SLC24A1: variants seen among roughly 807,000 people sequenced by gnomAD.
The protein encoded by SLC24A1 is sodium/potassium/calcium exchanger 1.
Under a neutral mutation model 88.1 loss-of-function variants are expected in SLC24A1, and 52 were observed. The observed-to-expected ratio is 0.59, with a 90% confidence interval of 0.47 to 0.74. The LOEUF is 0.74. SLC24A1 is among the 30% of genes least tolerant of loss of function. The pLI is 0.00. For missense variants in SLC24A1, 1,173 were observed against 1,363.3 expected, an observed-to-expected ratio of 0.86 and a Z score of 2.20; for synonymous variants, 455 against 498.0, an observed-to-expected ratio of 0.91 and a Z score of 1.15.
In SLC24A1 at chr15:65,625,460, TG is replaced by T; in HGVS notation, c.1382del (p.Gly461AlafsTer2). On this transcript the variant is annotated frameshift_variant, in exon 2 of 10. Transcript: ENST00000261892. LOFTEE classifies it high-confidence loss of function. ...RQGWVVLHVF[G>X]MMYVFVALAI... The stretch of plus-strand genomic sequence containing the variant: ...AGGGCTGGGTGGTCCTGCACGTTTT[TG>T]GCATGATGTATGTGTTTGTGGCCTT... 2 of 1,614,038 alleles carry T rather than the reference TG, an allele frequency of 1.2e-6. No homozygotes were observed. The highest frequency in any genetic ancestry group is 1.7e-6 in the Non-Finnish European group (2 of 1,179,892).
chr15:65,645,894 A>G (rs912940645), intron 6 of SLC24A1, among the ~76,000 whole-genome samples, 191 bp downstream of exon 6: 29 of 152,234 alleles, frequency 1.9e-4, no homozygotes, highest in Admixed American at 1.9e-3. Flanking sequence ...TCACTGGAAC[A>G]TCTTACATGA....
chr15:65,660,902 G>C (rs2075828310), downstream of SLC24A1: 1 of 152,032 alleles, frequency 6.6e-6, no homozygotes, highest in Non-Finnish European at 1.5e-5. Flanking sequence ...CAATATTTTA[G>C]ATATTAAAAT....
Position 65,625,686 on chromosome 15 carries a change from A to G in SLC24A1, c.1606A>G (p.Ile536Val). The change falls in exon 2 of 10, where the codon ATT (isoleucine) becomes GTT (valine). Residue 536 changes from isoleucine to valine, a missense_variant. By Grantham distance (29) the Ile-to-Val change is conservative. Transcript: ENST00000261892. ...CATTGTGGGCTCTGCTGTGTTCAAC[A>G]TTCTCTTTGTCATTGGCACTTGTTC... ...GTIVGSAVFN[I>V]LFVIGTCSLF... 1 of 1,613,936 alleles carries G rather than the reference A, an allele frequency of 6.2e-7. No individual in the cohort carries two copies. The highest frequency in any genetic ancestry group is 8.5e-7 in the Non-Finnish European group (1 of 1,179,888).
At chr15:65,614,034 T>C (rs2074059004) in intron 2 of SLC24A1, among the ~76,000 whole-genome samples, 1 of 152,132 alleles carries the variant, frequency 6.6e-6, no homozygotes, top group African/African-American at 2.4e-5. Flanking sequence ...TATTTCACTA[T>C]TTTCACCAAA....
At position 65,655,181 on chromosome 15, in the gene SLC24A1, A is replaced by G; in HGVS notation, c.*1102A>G. 1.0e-6 allele frequency: 1 copy of G among 987,452 alleles called. No homozygotes were observed. The highest frequency in any genetic ancestry group is 4.7e-5 in the South Asian group (1 of 21,472). The allele number at this position is 987,452 out of a possible 1,614,324, so 61.2% of individuals were successfully genotyped here. ...CCCTCCAGCATGTTCTCACCCAACA[A>G]TGACAGTTGAGTGGAGTGGGAAGGG... is the stretch of plus-strand genomic sequence containing the variant. On this transcript the variant is annotated 3_prime_UTR_variant, in exon 10 of 10. Coordinates refer to ENST00000261892, the MANE Select transcript of SLC24A1 (RefSeq NM_004727.3).
rs951699018 is a variant in SLC24A1, at chr15:65,623,969, C to A, written c.-112C>A. Reference sequence around the variant, plus strand: ...TACCCACCTAGGGTTGTGGATACCCCCTGGCTGGGCTTCATGGAGAAATCT... The same window carrying A: ...TACCCACCTAGGGTTGTGGATACCCACTGGCTGGGCTTCATGGAGAAATCT... On this transcript the variant is annotated 5_prime_UTR_variant, in exon 2 of 10. Coordinates refer to ENST00000261892, the MANE Select transcript of SLC24A1 (RefSeq NM_004727.3). 1.1e-6 allele frequency: 1 copy of A among 945,932 alleles called. No individual in the cohort carries two copies. Among genetic ancestry groups the A allele is most frequent in the Non-Finnish European group, 1.6e-6 (1 of 621,074 alleles). The allele number at this position is 945,932 out of a possible 1,614,324, so 58.6% of individuals were successfully genotyped here. A position where few individuals can be genotyped will look rare whatever the true frequency, so the allele number is the denominator to read the frequency against.
At chr15:65,659,343 T>G (rs1406742874), downstream of SLC24A1, 1 of 136,506 alleles carries the variant, frequency 7.3e-6, no homozygotes, top group Non-Finnish European at 1.6e-5. Context: ...TTTTTTTTTT[T>G]TTTTTTTTGA....
Position 65,655,467 on chromosome 15 carries a change from C to G in SLC24A1, c.*1388C>G. ...GTAAAGGACACTTGAGTTTTTAAAACTGTGGTTAAATGTTTTATGTGGAAT... is the reference window on the plus strand; with the variant it reads ...GTAAAGGACACTTGAGTTTTTAAAAGTGTGGTTAAATGTTTTATGTGGAAT... On this transcript the variant is annotated 3_prime_UTR_variant, in exon 10 of 10. Transcript: ENST00000261892. 1.0e-6 allele frequency: 1 copy of G among 985,246 alleles called. No individual in the cohort carries two copies. The highest frequency in any genetic ancestry group is 4.7e-5 in the South Asian group (1 of 21,286). 61.0% of individuals were successfully genotyped at this position (985,246 alleles called of 1,614,324 possible).
upstream of SLC24A1, among the ~76,000 whole-genome samples, chr15:65,620,878 A>C (rs1297391831): frequency 6.6e-6 from 1 of 152,210 alleles, no homozygotes; most frequent in East Asian, 1.9e-4. Flanking sequence ...AAGGGAAAGA[A>C]CTAGATTTTG....
intron 2 of SLC24A1, among the ~76,000 whole-genome samples, chr15:65,613,259 C>CA (rs777938575): frequency 6.6e-6 from 1 of 152,144 alleles, no homozygotes; most frequent in Non-Finnish European, 1.5e-5. Context: ...CTTTGAAAGG[C>CA]AGTGTTTGAT....
At chr15:65,630,489 C>A (rs1406426095) in intron 2 of SLC24A1, among the ~76,000 whole-genome samples, 1 of 152,168 alleles carries the variant, frequency 6.6e-6, no homozygotes, top group East Asian at 1.9e-4. Context: ...GAGAACCCCC[C>A]CTGCCTCTGT....
chr15:65,653,971 G>A lies in SLC24A1; in HGVS notation c.3192G>A (p.Trp1064Ter). 6.2e-7 allele frequency: 1 copy of A among 1,613,902 alleles called. No individual in the cohort carries two copies. The highest frequency in any genetic ancestry group is 8.5e-7 in the Non-Finnish European group (1 of 1,179,834). The change falls in exon 10 of 10, where the codon TGG (tryptophan) becomes TGA (stop). Residue 1064 changes from tryptophan (W) to a stop codon, truncating the protein, a stop_gained. Coordinates refer to ENST00000261892, the MANE Select transcript of SLC24A1 (RefSeq NM_004727.3). LOFTEE classifies it high-confidence loss of function. ...FVISSIASCK[W>*]RMNKILGFTM... ...TCTCTTCAATTGCGTCATGTAAATG[G>A]AGAATGAACAAGATCCTGGGCTTCA...
At chr15:65,643,810 G>A (rs1452453502) in intron 4 of SLC24A1, 2 of 153,894 alleles carry the variant, frequency 1.3e-5, no homozygotes, top group East Asian at 1.9e-4. Flanking sequence ...GTCAAAAAGG[G>A]TGTATCCGAG....
chr15:65,616,501 G>A (rs904687889), intron 2 of SLC24A1, among the ~76,000 whole-genome samples: 12 of 152,172 alleles, frequency 7.9e-5, no homozygotes, highest in African/African-American at 2.7e-4. Context: ...ATTTTTTCAT[G>A]TGCCTCTTGG....
In SLC24A1 at chr15:65,652,701, C is replaced by A; in HGVS notation, c.2943C>A (p.Gly981=). The part of the protein sequence containing the change: ...EIMGLTILAA[G]TSIPDLITSV... The stretch of plus-strand genomic sequence containing the variant: ...TGGGCCTGACAATCCTTGCAGCAGG[C>A]ACATCAATTCCTGACCTCATCACCA... Residue 981 remains glycine (G), a synonymous_variant, in exon 9 of 10, where the codon GGC becomes GGA. Coordinates refer to ENST00000261892, the MANE Select transcript of SLC24A1 (RefSeq NM_004727.3). 1 of 1,613,862 alleles carries A rather than the reference C, an allele frequency of 6.2e-7. No homozygotes were observed. The highest frequency in any genetic ancestry group is 1.1e-5 in the South Asian group (1 of 91,084).
chr15:65,648,684 T>A (rs1028113063), intron 6 of SLC24A1, among the ~76,000 whole-genome samples: 3 of 151,974 alleles, frequency 2.0e-5, no homozygotes, highest in Non-Finnish European at 4.4e-5. Context: ...TTTTTTTAAG[T>A]AGATATGGGG....
chr15:65,653,773 G>A (rs1596355820), intron 9 of SLC24A1, 57 bp from the exon 10 acceptor site: 2 of 1,547,306 alleles, frequency 1.3e-6, no homozygotes, highest in East Asian at 2.3e-5. Flanking sequence ...TACTATTTAA[G>A]TGTATGGGAT....
chr15:65,655,770 T>C lies in SLC24A1; in HGVS notation c.*1691T>C. On this transcript the variant is annotated 3_prime_UTR_variant, in exon 10 of 10. Coordinates refer to ENST00000261892, the MANE Select transcript of SLC24A1 (RefSeq NM_004727.3). ...CAAGTATTCCATCTTTTAAGATGAA[T>C]TGCTTAATTAATTGCCTCGCTACCC... The C allele has an allele frequency of 3.0e-6, 3 of 985,394 alleles. No individual in the cohort carries two copies. The highest frequency in any genetic ancestry group is 1.7e-5 in the African/African-American group (1 of 57,362). 61.0% of individuals were successfully genotyped at this position (985,394 alleles called of 1,614,324 possible). A position where few individuals can be genotyped will look rare whatever the true frequency, so the allele number is the denominator to read the frequency against.
intron 2 of SLC24A1, among the ~76,000 whole-genome samples, chr15:65,626,718 T>C (rs145812912): frequency 2.0e-5 from 3 of 152,306 alleles, no homozygotes; most frequent in East Asian, 1.9e-4. Context: ...GTTAAATTCA[T>C]TGGATGATTC....
Sources: allele counts gnomAD v4.1 joint callset (sites outside exome capture counted in the v4.1 genomes callset), GRCh38; gene constraint gnomAD v4.1.1; transcripts MANE v1.5; gene names NCBI Gene and HGNC (gene_info 2026-07-23, HGNC 2026-07-21).